DUOXA2: variants seen among roughly 807,000 people sequenced by gnomAD.
DUOXA2 encodes dual oxidase maturation factor 2.
DUOXA2 carries 22 observed loss-of-function variants against 27.6 expected under a neutral mutation model. The ratio of observed to expected loss-of-function variants is 0.80; its 90% confidence interval spans 0.57 to 1.14. The LOEUF is 1.14. Among genes scored for constraint, DUOXA2 ranks in the 50% most tolerant of loss-of-function variants. The pLI, the probability that DUOXA2 is intolerant of heterozygous loss-of-function variation, is 0.00. For missense variants in DUOXA2, 481 were observed against 419.9 expected (o/e 1.15, Z -1.27); for synonymous variants, 188 against 184.4 (o/e 1.02, Z -0.16).
chr15:45,115,726 G>C, intron 1 of DUOXA2, 73 bp from the exon 2 acceptor site: 1 of 1,567,432 alleles, frequency 6.4e-7, no homozygotes, highest in Non-Finnish European at 8.8e-7. Context: ...TCCAGGTGAA[G>C]TGGGGTCAAG....
At chr15:45,117,642 G>A in intron 5 of DUOXA2, 74 bp from the exon 6 acceptor site, 2 of 1,613,810 alleles carry the variant, frequency 1.2e-6, no homozygotes. Context: ...TTTGAGGCCA[G>A]AGTTCGAGAC....
At chr15:45,117,682 A>G in intron 5 of DUOXA2, 34 bp from the exon 6 acceptor site, 1 of 1,613,872 alleles carries the variant, frequency 6.2e-7, no homozygotes, top group South Asian at 1.1e-5. Context: ...CTGACTCCAC[A>G]TGCCCTCCTT....
intron 1 of DUOXA2, chr15:45,115,387 C>T (rs1372462900): frequency 2.1e-6 from 1 of 471,234 alleles, no homozygotes; most frequent in East Asian, 6.5e-5. Context: ...TTCCCACCTC[C>T]TCCCCTCGGA....
Position 45,117,235 on chromosome 15 carries a change from C to G in DUOXA2, c.699C>G (p.Cys233Trp). The G allele has an allele frequency of 6.2e-7, 1 of 1,610,350 alleles. No individual in the cohort carries two copies. Among genetic ancestry groups the G allele is most frequent in the Non-Finnish European group, 8.5e-7 (1 of 1,179,602 alleles). Residue 233 changes from cysteine (C) to tryptophan (W), a missense_variant, in exon 5 of 6, where the codon TGC becomes TGG. Physicochemically the swap from Cys to Trp is radical, Grantham distance 215 (BLOSUM62 -2). Transcript: ENST00000323030. ...ALASISSVPL[C>W]PLRLGSSALT... is the part of the protein sequence containing the mutation. Reference sequence around the variant, plus strand: ...CCTCCATCTCTAGCGTGCCGCTCTGCCCGCTCCGCCTAGGCTCCTCCGCGC... The same window carrying G: ...CCTCCATCTCTAGCGTGCCGCTCTGGCCGCTCCGCCTAGGCTCCTCCGCGC...
chr15:45,115,789 A>G lies in DUOXA2; in HGVS notation c.148-10A>G, dbSNP rs376658480. The G allele has an allele frequency of 1.2e-6, 2 of 1,614,072 alleles. No individual in the cohort carries two copies. Among genetic ancestry groups the G allele is most frequent in the Non-Finnish European group, 1.7e-6 (2 of 1,180,020 alleles). On this transcript the variant is annotated splice_polypyrimidine_tract_variant and intron_variant, in intron 1 of 5. Transcript: ENST00000323030. ...GGGCTCAGGCCTGACCCGGGTGCCT[A>G]TTCCTGCAGCGCTGGTTTTGGTTGG...
chr15:45,118,130 G>GATAC lies in DUOXA2; in HGVS notation c.*221_*222insATAC. On this transcript the variant is annotated 3_prime_UTR_variant, in exon 6 of 6. Coordinates refer to ENST00000323030, the MANE Select transcript of DUOXA2 (RefSeq NM_207581.4). Reference sequence around the variant, plus strand: ...AACTGTTTTTCCCATTAATTTTCATGGCTTCTCCGCGCCGGGGTCGCACGT... The same window carrying GATAC: ...AACTGTTTTTCCCATTAATTTTCATGATACGCTTCTCCGCGCCGGGGTCGCACGT... The GATAC allele has an allele frequency of 1.1e-5, 16 of 1,443,462 alleles. No individual in the cohort carries two copies. The highest frequency in any genetic ancestry group is 5.5e-5 in the Admixed American group (2 of 36,448). The allele number at this position is 1,443,462 out of a possible 1,614,324, so 89.4% of individuals were successfully genotyped here.
At position 45,118,008 on chromosome 15, in the gene DUOXA2, G is replaced by A. The variant is rs752582198; in HGVS notation, c.*99G>A. 1 of 1,609,184 alleles carries A rather than the reference G, an allele frequency of 6.2e-7. No individual in the cohort carries two copies. Among genetic ancestry groups the A allele is most frequent in the East Asian group, 2.2e-5 (1 of 44,790 alleles). On this transcript the variant is annotated 3_prime_UTR_variant, in exon 6 of 6. Coordinates refer to ENST00000323030, the MANE Select transcript of DUOXA2 (RefSeq NM_207581.4). ...CCAGGAGAGCTCCAGGAAGGGCACT[G>A]AGCGCTGCTGGCGCGAGGCCTCGGA...
At chr15:45,115,728 G>A in intron 1 of DUOXA2, 71 bp from the exon 2 acceptor site, 1 of 1,569,706 alleles carries the variant, frequency 6.4e-7, no homozygotes, top group South Asian at 1.1e-5. Flanking sequence ...CAGGTGAAGT[G>A]GGGTCAAGGG....
At position 45,117,969 on chromosome 15, in the gene DUOXA2, C is replaced by A; in HGVS notation, c.*60C>A. 1 of 1,612,828 alleles carries A rather than the reference C, an allele frequency of 6.2e-7. No individual in the cohort carries two copies. Among genetic ancestry groups the A allele is most frequent in the African/African-American group, 1.3e-5 (1 of 75,072 alleles). On this transcript the variant is annotated 3_prime_UTR_variant, in exon 6 of 6. Coordinates refer to ENST00000323030, the MANE Select transcript of DUOXA2 (RefSeq NM_207581.4). ...GACATCGCAGGCCGGGAAGCAGTGC[C>A]CGCCAGGCCTGGGCCAGGAGAGCTC...
chr15:45,116,300 T>A (rs370085622), intron 3 of DUOXA2, 42 bp downstream of exon 3: 2 of 1,610,592 alleles, frequency 1.2e-6, no homozygotes, highest in South Asian at 2.2e-5. Context: ...AGCTGGGAGA[T>A]CCCCGGTTAG....
At position 45,117,956 on chromosome 15, in the gene DUOXA2, C is replaced by T. The variant is rs1451477268; in HGVS notation, c.*47C>T. 1.9e-6 allele frequency: 3 copies of T among 1,612,804 alleles called. No homozygotes were observed. Among genetic ancestry groups the T allele is most frequent in the Middle Eastern group, 1.7e-4 (1 of 6,056 alleles). On this transcript the variant is annotated 3_prime_UTR_variant, in exon 6 of 6. Coordinates refer to ENST00000323030, the MANE Select transcript of DUOXA2 (RefSeq NM_207581.4). ...TTCCCCGCCTTGGGACATCGCAGGCCGGGAAGCAGTGCCCGCCAGGCCTGG... is the reference window on the plus strand; with the variant it reads ...TTCCCCGCCTTGGGACATCGCAGGCTGGGAAGCAGTGCCCGCCAGGCCTGG...
In DUOXA2 at chr15:45,118,368, C is replaced by G; in HGVS notation, c.*459C>G. 2 of 1,122,706 alleles carry G rather than the reference C, an allele frequency of 1.8e-6. No homozygotes were observed. Among genetic ancestry groups the G allele is most frequent in the Non-Finnish European group, 2.2e-6 (2 of 916,846 alleles). The allele number at this position is 1,122,706 out of a possible 1,614,324, so 69.5% of individuals were successfully genotyped here. On this transcript the variant is annotated 3_prime_UTR_variant, in exon 6 of 6. Coordinates refer to ENST00000323030, the MANE Select transcript of DUOXA2 (RefSeq NM_207581.4). ...CCACTCCCCCGTCCTGGATGCCACT[C>G]AGCTAGCCCAGCTGAGTGGGGTGGG...
rs915246422 is a variant in DUOXA2 at position 45,117,988 on chromosome 15, A to G, written c.*79A>G. ...CAGTGCCCGCCAGGCCTGGGCCAGG[A>G]GAGCTCCAGGAAGGGCACTGAGCGC... On this transcript the variant is annotated 3_prime_UTR_variant, in exon 6 of 6. Coordinates refer to ENST00000323030, the MANE Select transcript of DUOXA2 (RefSeq NM_207581.4). 37 of 1,612,364 alleles carry G rather than the reference A, an allele frequency of 2.3e-5. No individual in the cohort carries two copies. The highest frequency in any genetic ancestry group is 3.3e-4 in the Middle Eastern group (2 of 6,056).
intron 5 of DUOXA2, 55 bp from the exon 6 acceptor site, chr15:45,117,661 G>T: frequency 5.0e-6 from 8 of 1,613,740 alleles, no homozygotes; most frequent in Non-Finnish European, 5.9e-6. Context: ...ACCAGCCTGG[G>T]CAACATAGCC....
intron 4 of DUOXA2, 91 bp downstream of exon 4, chr15:45,116,820 G>C: frequency 6.9e-7 from 1 of 1,456,710 alleles, no homozygotes; most frequent in Non-Finnish European, 9.4e-7. Flanking sequence ...GAGGCGCTGA[G>C]CAGCTGCAGC....
Position 45,114,669 on chromosome 15 carries a change from G to T in DUOXA2, c.64G>T (p.Val22Phe). The change falls in exon 1 of 6, where the codon GTT (valine) becomes TTT (phenylalanine). Residue 22 changes from valine (V) to phenylalanine (F), a missense_variant. Val to Phe is a conservative substitution (Grantham distance 50). Transcript: ENST00000323030. The part of the protein sequence containing the change: ...PQPRHAAGFS[V>F]PLLIVILVFL... ...GCCCCGGCATGCCGCAGGCTTCAGCGTTCCACTGCTCATCGTTATTCTAGT... is the reference window on the plus strand; with the variant it reads ...GCCCCGGCATGCCGCAGGCTTCAGCTTTCCACTGCTCATCGTTATTCTAGT... The T allele has an allele frequency of 6.2e-7, 1 of 1,614,222 alleles. No homozygotes were observed. The highest frequency in any genetic ancestry group is 1.6e-4 in the Middle Eastern group (1 of 6,062).
rs555651104 is a variant in DUOXA2, at chr15:45,118,165, C to A, written c.*256C>A. On this transcript the variant is annotated 3_prime_UTR_variant, in exon 6 of 6. Coordinates refer to ENST00000323030, the MANE Select transcript of DUOXA2 (RefSeq NM_207581.4). ...CGCCGGGGTCGCACGTCCTCATGAGCTTCGCTGGGCTGGAGACAGCCTAGT... is the reference window on the plus strand; with the variant it reads ...CGCCGGGGTCGCACGTCCTCATGAGATTCGCTGGGCTGGAGACAGCCTAGT... 5 of 1,436,768 alleles carry A rather than the reference C, an allele frequency of 3.5e-6. No homozygotes were observed. The East Asian group carries it at 1.2e-4, about 36-fold the overall frequency. 89.0% of individuals were successfully genotyped at this position (1,436,768 alleles called of 1,614,324 possible).
At chr15:45,117,383 A>G in intron 5 of DUOXA2, 78 bp downstream of exon 5, 2 of 1,503,312 alleles carry the variant, frequency 1.3e-6, no homozygotes, top group Middle Eastern at 1.8e-4. Flanking sequence ...TCCAGTTTAC[A>G]GAATGAATTC....
Position 45,118,046 on chromosome 15 carries a change from C to A in DUOXA2, c.*137C>A, listed in dbSNP as rs749986675. The A allele has an allele frequency of 1.3e-6, 2 of 1,591,492 alleles. No homozygotes were observed. Among genetic ancestry groups the A allele is most frequent in the East Asian group, 4.5e-5 (2 of 44,408 alleles). The stretch of plus-strand genomic sequence containing the variant: ...GCGAGGCCTCGGACATCCGCAGGCA[C>A]CAGGGAAAGTCTCCTGGGGCGATCT... On this transcript the variant is annotated 3_prime_UTR_variant, in exon 6 of 6. Transcript: ENST00000323030.
Sources: allele counts gnomAD v4.1 joint callset, GRCh38; gene constraint gnomAD v4.1.1; transcripts MANE v1.5; gene names NCBI Gene and HGNC (gene_info 2026-07-23, HGNC 2026-07-21).